OTOGL: variants seen among roughly 807,000 people sequenced by gnomAD.
OTOGL encodes the protein otogelin-like protein.
Under a neutral mutation model 318.5 loss-of-function variants are expected in OTOGL, and 285 were observed. The observed-to-expected ratio is 0.89, with a 90% CI of 0.81 to 0.99. The LOEUF (loss-of-function observed/expected upper bound fraction) is 0.99. Among genes scored for constraint, OTOGL ranks in the 50% least tolerant of loss-of-function variants. The pLI, the probability that OTOGL is intolerant of heterozygous loss-of-function variation, is 0.00. For missense variants in OTOGL, 2,899 were observed against 2,845.6 expected, an observed-to-expected ratio of 1.02 and a Z score of -0.43; for synonymous variants, 987 against 936.5, an observed-to-expected ratio of 1.05 and a Z score of -0.99.
chr12:80,129,120 T>C (rs1349134749), intron 1 of OTOGL, among the ~76,000 whole-genome samples: 1 of 152,182 alleles, frequency 6.6e-6, no homozygotes, highest in African/African-American at 2.4e-5. Flanking sequence ...GTCATTCGAC[T>C]TCTGCGTCGC....
chr12:80,137,338 C>T (rs192193702), intron 1 of OTOGL, among the ~76,000 whole-genome samples: 1 of 152,094 alleles, frequency 6.6e-6, no homozygotes, highest in East Asian at 1.9e-4. Context: ...AAACTTCTGG[C>T]ACAATCAATT....
intron 1 of OTOGL, among the ~76,000 whole-genome samples, chr12:80,160,120 C>G (rs1425852512): frequency 6.6e-6 from 1 of 152,038 alleles, no homozygotes; most frequent in East Asian, 1.9e-4. Context: ...GGACTTAAAT[C>G]TAAGACCTGA....
chr12:80,240,248 G>A (rs548872169), intron 11 of OTOGL, among the ~76,000 whole-genome samples: 2 of 152,032 alleles, frequency 1.3e-5, no homozygotes, highest in Admixed American at 6.6e-5. Flanking sequence ...ATACTCCTTA[G>A]TGGATTGCTA....
At chr12:80,146,040 A>G (rs1018844196) in intron 1 of OTOGL, among the ~76,000 whole-genome samples, 1 of 150,926 alleles carries the variant, frequency 6.6e-6, no homozygotes, top group African/African-American at 2.5e-5. Flanking sequence ...CTATTTGAAT[A>G]CCCTTTATTT....
At chr12:80,211,909 G>A (rs748044344) in intron 3 of OTOGL, 40 bp from the exon 4 acceptor site, 18 of 1,502,100 alleles carry the variant, frequency 1.2e-5, no homozygotes. Flanking sequence ...AGGTTGCCTA[G>A]GGGCCTTTGA....
At chr12:80,344,212 T>C (rs1889018488) in intron 44 of OTOGL, among the ~76,000 whole-genome samples, 1 of 152,218 alleles carries the variant, frequency 6.6e-6, no homozygotes, top group South Asian at 2.1e-4. Context: ...AGTACCACTT[T>C]AGTCTGTCTT....
chr12:80,206,612 C>T lies in OTOGL; in HGVS notation c.-19-2801C>T, dbSNP rs947429238. ...GCAACCTTGACCTCCTGGGCTCAAA[C>T]GATCCTTCCACCTCAGCCTCCATAG... On this transcript the variant is annotated intron_variant, in intron 1 of 58. Transcript: ENST00000547103. Among the ~76,000 whole-genome samples the T allele has an allele frequency of 2.0e-5, 3 of 151,916 alleles. No homozygotes were observed. The East Asian group carries it at 5.8e-4, about 29-fold the overall frequency.
Position 80,305,570 on chromosome 12 carries a change from C to G in OTOGL, c.3214-6C>G. On this transcript the variant is annotated splice_polypyrimidine_tract_variant and splice_region_variant and intron_variant, in intron 28 of 58. Transcript: ENST00000547103. ...AATATTTCCTGGTGATTTTCTCTTACTTTAGAACAAGCTATCAGGATTGTG... is the reference window on the plus strand; with the variant it reads ...AATATTTCCTGGTGATTTTCTCTTAGTTTAGAACAAGCTATCAGGATTGTG... 6.5e-7 allele frequency: 1 copy of G among 1,531,250 alleles called. No homozygotes were observed. The highest frequency in any genetic ancestry group is 1.3e-5 in the South Asian group (1 of 77,358). 94.9% of individuals were successfully genotyped at this position (1,531,250 alleles called of 1,614,324 possible).
At chr12:80,154,032 G>A (rs1872956810) in intron 1 of OTOGL, among the ~76,000 whole-genome samples, 2 of 152,312 alleles carry the variant, frequency 1.3e-5, no homozygotes, top group East Asian at 1.9e-4. Context: ...CTTGAAGCTG[G>A]ACACAGTGGC....
At chr12:80,329,933 T>G (rs12317587) in intron 37 of OTOGL, among the ~76,000 whole-genome samples, 18,862 of 151,950 alleles carry the variant, frequency 0.12, 2,633 homozygotes, top group African/African-American at 0.35. Flanking sequence ...CAGCCCACAC[T>G]AGGACCATCA....
chr12:80,352,252 A>G, intron 44 of OTOGL, 43 bp from the exon 45 acceptor site: 1 of 1,548,688 alleles, frequency 6.5e-7, no homozygotes, highest in Non-Finnish European at 8.7e-7. Flanking sequence ...CTTTCAGAGA[A>G]ATAAAACAAT....
In OTOGL at chr12:80,367,720, G is replaced by A. The variant is rs1290823866; in HGVS notation, c.6491G>A (p.Cys2164Tyr). 4 of 1,422,090 alleles carry A rather than the reference G, an allele frequency of 2.8e-6. No homozygotes were observed. The African/African-American group carries it at 4.4e-5, about 16-fold the overall frequency. 88.1% of individuals were successfully genotyped at this position (1,422,090 alleles called of 1,614,324 possible). A position where few individuals can be genotyped will look rare whatever the true frequency, so the allele number is the denominator to read the frequency against. ...FHTLNFTLVN[C>Y]SKKCDVHQVY... Reference sequence around the variant, plus strand: ...ACTCTGAATTTTACACTGGTGAATTGTTCAAAAAAATGTGATGTTGTAAGT... The same window carrying A: ...ACTCTGAATTTTACACTGGTGAATTATTCAAAAAAATGTGATGTTGTAAGT... The change falls in exon 54 of 59, where the codon TGT becomes TAT. Residue 2164 changes from cysteine (C) to tyrosine (Y), a missense_variant. Transcript: ENST00000547103.
intron 1 of OTOGL, among the ~76,000 whole-genome samples, chr12:80,172,260 G>A (rs553322012): frequency 8.6e-5 from 13 of 150,928 alleles, no homozygotes; most frequent in Admixed American, 2.6e-4. Context: ...CTTTGTGAAG[G>A]TTTCCTAGAT....
chr12:80,209,630 G>T, intron 2 of OTOGL, 120 bp downstream of exon 2: 1 of 520,490 alleles, frequency 1.9e-6, no homozygotes, highest in East Asian at 3.1e-5. Flanking sequence ...TGTACTAAAT[G>T]ATACTCAGAT....
intron 1 of OTOGL, among the ~76,000 whole-genome samples, chr12:80,116,977 G>T (rs1489841229): frequency 6.6e-5 from 10 of 152,110 alleles, no homozygotes; most frequent in Non-Finnish European, 1.5e-4. Context: ...GGGGCTCTAT[G>T]CTCCAGTGGC....
chr12:80,266,319 A>G, intron 20 of OTOGL, 132 bp from the exon 21 acceptor site: 1 of 923,490 alleles, frequency 1.1e-6, no homozygotes, highest in Non-Finnish European at 1.6e-6. Context: ...TTGAGCATCC[A>G]AGTTAAGGGT....
Position 80,267,273 on chromosome 12 carries a change from A to G in OTOGL, c.2411A>G (p.Tyr804Cys). 6.4e-7 allele frequency: 1 copy of G among 1,561,882 alleles called. No individual in the cohort carries two copies. Among genetic ancestry groups the G allele is most frequent in the South Asian group, 1.2e-5 (1 of 86,174 alleles). The change falls in exon 22 of 59, where the codon TAT becomes TGT. Residue 804 changes from tyrosine (Y) to cysteine (C), a missense_variant. Tyr to Cys is a radical substitution (Grantham distance 194). Coordinates refer to ENST00000547103, the MANE Select transcript of OTOGL (RefSeq NM_001378609.3). ...TATAGATTCCACTGCCGTTGTCATTATAGGGGCAGTGTTTATCAACCTGGA... is the reference window on the plus strand; with the variant it reads ...TATAGATTCCACTGCCGTTGTCATTGTAGGGGCAGTGTTTATCAACCTGGA... ...CVPIFHCRCH[Y>C]RGSVYQPGEL...
intron 1 of OTOGL, among the ~76,000 whole-genome samples, chr12:80,164,052 T>C (rs1873690087): frequency 6.6e-6 from 1 of 152,116 alleles, no homozygotes; most frequent in African/African-American, 2.4e-5. Context: ...TGTGTGCTTT[T>C]CCCCTCAAGA....
At chr12:80,286,024 T>G (rs1884595190) in intron 26 of OTOGL, among the ~76,000 whole-genome samples, 1 of 152,218 alleles carries the variant, frequency 6.6e-6, no homozygotes, top group Admixed American at 6.5e-5. Context: ...TAAATAGCAT[T>G]TATTATTTTA....
Sources: allele counts gnomAD v4.1 joint callset (sites outside exome capture counted in the v4.1 genomes callset), GRCh38; gene constraint gnomAD v4.1.1; transcripts MANE v1.5; gene names NCBI Gene and HGNC (gene_info 2026-07-23, HGNC 2026-07-21).